Variants in LRP4 observed in about 807,000 individuals in gnomAD.
LRP4 encodes LDL receptor related protein 4, also known as low-density lipoprotein receptor-related protein 4.
A neutral mutation model predicts 220.3 loss-of-function variants in LRP4; 95 were observed. The ratio of observed to expected loss-of-function variants is 0.43; its 90% CI spans 0.37 to 0.51. The LOEUF (loss-of-function observed/expected upper bound fraction) is 0.51. Ranked by LOEUF, LRP4 falls within the 20% of genes least tolerant of loss-of-function variation. The probability of loss-of-function intolerance (pLI) is 0.00; values close to 1 mark genes in which losing one functional copy is unlikely to be tolerated. For missense variants in LRP4, 1,925 were observed against 2,567.0 expected (o/e 0.75, Z 5.40); for synonymous variants, 903 against 954.6 (o/e 0.95, Z 1.00).
rs1592540565 is a variant in LRP4 at position 46,894,771 on chromosome 11, A to C, written c.1358T>G (p.Val453Gly). 1 of 1,614,226 alleles carries C rather than the reference A, an allele frequency of 6.2e-7. No individual in the cohort carries two copies. Among genetic ancestry groups the C allele is most frequent in the South Asian group, 1.1e-5 (1 of 91,082 alleles). The change falls in exon 12 of 38, where the codon GTG becomes GGG. Residue 453 changes from valine to glycine, a missense_variant. By Grantham distance (109) the Val-to-Gly change is moderately radical. Transcript: ENST00000378623. ...LFANRIDIRQVLPHRSEYTLL... is the reference protein window; with the variant it reads ...LFANRIDIRQGLPHRSEYTLL... Reference sequence around the variant, plus strand: ...TGTGTACTCAGAGCGGTGTGGCAGCACCTGCCGGATGTCGATGCGATTGGC... The same window carrying C: ...TGTGTACTCAGAGCGGTGTGGCAGCCCCTGCCGGATGTCGATGCGATTGGC...
rs1204328447 is a variant in LRP4 at position 46,918,066 on chromosome 11, G to A, written c.52+262C>T. Among the ~76,000 whole-genome samples, 4 of 152,208 alleles carry A rather than the reference G, an allele frequency of 2.6e-5. No homozygotes were observed. Among genetic ancestry groups the A allele is most frequent in the Admixed American group, 6.5e-5 (1 of 15,280 alleles). On this transcript the variant is annotated intron_variant, in intron 1 of 37. Transcript: ENST00000378623. The surrounding 1 kb of genome is among the most constrained non-coding windows in gnomAD (Gnocchi z 6.0). ...AGCGAGGGAGGGCGAGCGAACGAAC[G>A]CCCCGGACCTTACCCGCGCCCCGGC...
chr11:46,900,861 AC>A (rs1941652037), intron 2 of LRP4, among the ~76,000 whole-genome samples: 1 of 148,642 alleles, frequency 6.7e-6, no homozygotes, highest in South Asian at 2.1e-4. Flanking sequence ...ATCTCGGCTC[AC>A]TGCAACCACC....
intron 37 of LRP4, among the ~76,000 whole-genome samples, chr11:46,860,483 T>A (rs1351058394): frequency 6.6e-6 from 1 of 152,176 alleles, no homozygotes; most frequent in Non-Finnish European, 1.5e-5. Flanking sequence ...TCCTGGCTGC[T>A]GGGGTATACC....
At position 46,918,139 on chromosome 11, in the gene LRP4, C is replaced by T. The variant is rs2134897548; in HGVS notation, c.52+189G>A. 6.6e-6 allele frequency among the ~76,000 whole-genome samples: 1 copy of T among 152,088 alleles called. No homozygotes were observed. Among genetic ancestry groups the T allele is most frequent in the South Asian group, 2.1e-4 (1 of 4,826 alleles). On this transcript the variant is annotated intron_variant, in intron 1 of 37. Transcript: ENST00000378623. The surrounding 1 kb of genome is among the most constrained non-coding windows in gnomAD (Gnocchi z 6.0). ...ACCCGAACCCGCGGAAGCGCCTCCG[C>T]TGATGCCCCCGCTCGGACTGCTGGA...
intron 16 of LRP4, among the ~76,000 whole-genome samples, chr11:46,886,940 TC>T (rs757618434): frequency 9.9e-5 from 15 of 152,214 alleles, no homozygotes; most frequent in Non-Finnish European, 1.9e-4. Context: ...CTTGCTCTCC[TC>T]TTTACAACTT....
rs909537580 is a variant in LRP4 at position 46,895,245 on chromosome 11, G to C, written c.1230C>G (p.Thr410=). 1 of 1,613,952 alleles carries C rather than the reference G, an allele frequency of 6.2e-7. No individual in the cohort carries two copies. Among genetic ancestry groups the C allele is most frequent in the Non-Finnish European group, 8.5e-7 (1 of 1,180,000 alleles). ...AEEGYCSQGC[T]NSEGAFQCWC... ...AGCATTGGAAAGCCCCTTCGCTGTT[G>C]GTGCAGCCCTGGCTGCAATACCCCT... is the stretch of plus-strand genomic sequence containing the variant. Residue 410 remains threonine, a synonymous_variant, in exon 11 of 38, where the codon ACC becomes ACG. Transcript: ENST00000378623.
chr11:46,890,026 C>G lies in LRP4; in HGVS notation c.2010G>C (p.Thr670=). ...TGCGAATGATTTCCTGGTTCTTCCC[C>G]GTAAATTTGTTAGCGCTATTGATGC... The part of the protein sequence containing the change: ...TKSINSANKF[T]GKNQEIIRNK... Residue 670 remains threonine (T), a synonymous_variant, in exon 15 of 38, where the codon ACG becomes ACC. Coordinates refer to ENST00000378623, the MANE Select transcript of LRP4 (RefSeq NM_002334.4). The surrounding 1 kb of genome is among the most constrained non-coding windows in gnomAD (Gnocchi z 5.3). 6.2e-7 allele frequency: 1 copy of G among 1,614,032 alleles called. No individual in the cohort carries two copies. Among genetic ancestry groups the G allele is most frequent in the Non-Finnish European group, 8.5e-7 (1 of 1,180,010 alleles).
chr11:46,895,240 C>G lies in LRP4; in HGVS notation c.1235G>C (p.Ser412Thr), dbSNP rs1267192034. ...ACACCAGCATTGGAAAGCCCCTTCGCTGTTGGTGCAGCCCTGGCTGCAATA... is the reference window on the plus strand; with the variant it reads ...ACACCAGCATTGGAAAGCCCCTTCGGTGTTGGTGCAGCCCTGGCTGCAATA... Reference protein sequence around the residue: ...EGYCSQGCTNSEGAFQCWCET... With the variant: ...EGYCSQGCTNTEGAFQCWCET... The change falls in exon 11 of 38, where the codon AGC (serine) becomes ACC (threonine). Residue 412 changes from serine to threonine, a missense_variant. Transcript: ENST00000378623. The G allele has an allele frequency of 1.2e-6, 2 of 1,613,976 alleles. No individual in the cohort carries two copies. The highest frequency in any genetic ancestry group is 2.7e-5 in the African/African-American group (2 of 74,938).
rs541848538 is a variant in LRP4, at chr11:46,866,072, T to C, written c.5088-886A>G. 4.4e-4 allele frequency among the ~76,000 whole-genome samples: 67 copies of C among 151,514 alleles called. 2 individuals carry two copies. In the South Asian group the frequency reaches 0.013, roughly 29 times the overall value. On this transcript the variant is annotated intron_variant, in intron 34 of 37. Transcript: ENST00000378623. ...TATGTTTCTGCTTTCAGAATTGAAA[T>C]CAAGTGTTAACTACCTTGTAAGCTA...
At chr11:46,870,469 AG>A (rs1352562071) in intron 31 of LRP4, among the ~76,000 whole-genome samples, 2 of 151,854 alleles carry the variant, frequency 1.3e-5, no homozygotes, top group Non-Finnish European at 2.9e-5. Flanking sequence ...CTGTTGCCCA[AG>A]TTGGAGCACA....
Position 46,895,142 on chromosome 11 carries a change from C to T in LRP4, c.1309+24G>A, listed in dbSNP as rs3751097. The T allele has an allele frequency of 0.095, 153,758 of 1,613,256 alleles. 7,614 individuals carry two copies. The highest frequency in any genetic ancestry group is 0.1 in the Non-Finnish European group (123,008 of 1,179,930). Reference sequence around the variant, plus strand: ...CTCCATGCTCGGCCCTCTGCCCACCCAGCCAAGTGCCAACAGCCCTTACCC... The same window carrying T: ...CTCCATGCTCGGCCCTCTGCCCACCTAGCCAAGTGCCAACAGCCCTTACCC... On this transcript the variant is annotated intron_variant, in intron 11 of 37. Transcript: ENST00000378623.
At chr11:46,872,803 A>G (rs1227950942) in intron 30 of LRP4, among the ~76,000 whole-genome samples, 2 of 152,178 alleles carry the variant, frequency 1.3e-5, no homozygotes, top group African/African-American at 4.8e-5. Context: ...TAACAAATAT[A>G]AGAATCAGCC....
At chr11:46,862,870 A>G in intron 36 of LRP4, 123 bp from the exon 37 acceptor site, 3 of 804,678 alleles carry the variant, frequency 3.7e-6, no homozygotes, top group East Asian at 5.3e-5. Flanking sequence ...ACTTCCTGGT[A>G]CTCATGCCCT....
At chr11:46,878,861 C>T (rs1941081218) in intron 22 of LRP4, 46 bp downstream of exon 22, 8 of 1,612,662 alleles carry the variant, frequency 5.0e-6, no homozygotes, top group Non-Finnish European at 6.8e-6. Flanking sequence ...GAGCCATTGC[C>T]CCCTCCCAGA....
At chr11:46,889,649 A>T in intron 15 of LRP4, 116 bp from the exon 16 acceptor site, 1 of 1,433,776 alleles carries the variant, frequency 7.0e-7, no homozygotes, top group Non-Finnish European at 9.6e-7. Flanking sequence ...ACTATGTCTT[A>T]TATTTTTGAC....
At chr11:46,867,944 C>A in intron 34 of LRP4, 35 bp downstream of exon 34, 1 of 1,613,870 alleles carries the variant, frequency 6.2e-7, no homozygotes, top group South Asian at 1.1e-5. Context: ...TGATTTGAAT[C>A]AAAGGGCCCA....
Position 46,877,372 on chromosome 11 carries a change from C to T in LRP4, c.3137-33G>A, listed in dbSNP as rs759474287. ...GTGGAGAGGAGGGAAGAGGATCACT[C>T]GAGCACAGCCATTAAATGGATTTGG... On this transcript the variant is annotated intron_variant, in intron 22 of 37. Coordinates refer to ENST00000378623, the MANE Select transcript of LRP4 (RefSeq NM_002334.4). 40 of 1,613,020 alleles carry T rather than the reference C, an allele frequency of 2.5e-5. No homozygotes were observed. The East Asian group carries it at 5.3e-4, about 22-fold the overall frequency.
intron 37 of LRP4, among the ~76,000 whole-genome samples, chr11:46,859,557 C>T (rs1940483966): frequency 1.3e-5 from 2 of 152,294 alleles, no homozygotes; most frequent in Admixed American, 1.3e-4. Flanking sequence ...TCCGGTCCTG[C>T]AGCAGCCACT....
At chr11:46,911,537 TATGATC>T (rs1941858209) in intron 1 of LRP4, among the ~76,000 whole-genome samples, 1 of 149,380 alleles carries the variant, frequency 6.7e-6, no homozygotes, top group African/African-American at 2.5e-5. Flanking sequence ...TACAGTGAGC[TATGATC>T]ATGCCACTGC....
Sources: gnomAD v4.1 joint callset for allele counts (sites outside exome capture counted in the v4.1 genomes callset) on GRCh38, gnomAD v4.1.1 for gene constraint, Gnocchi (gnomAD v3.1) non-coding constraint, MANE v1.5 for transcripts, NCBI Gene and HGNC (gene_info 2026-07-23, HGNC 2026-07-21) for gene names.